FGFR1OP2: variants seen among roughly 807,000 people sequenced by gnomAD.
FGFR1OP2 encodes the protein fibroblast growth factor receptor 1 oncogene partner 2.
FGFR1OP2 carries 17 observed loss-of-function variants against 35.2 expected under a neutral mutation model. The observed-to-expected ratio is 0.48, with a 90% CI of 0.33 to 0.73. FGFR1OP2 has a LOEUF of 0.73. Among genes scored for constraint, FGFR1OP2 ranks in the 30% least tolerant of loss-of-function variants. The probability of loss-of-function intolerance (pLI) is 0.02; values close to 1 mark genes in which losing one functional copy is unlikely to be tolerated. For synonymous variants in FGFR1OP2, 105 were observed against 104.6 expected (o/e 1.00, Z -0.03); for missense variants, 251 against 307.3 (o/e 0.82, Z 1.37).
At chr12:26,963,227 A>G in intron 5 of FGFR1OP2, 115 bp from the exon 6 acceptor site, 1 of 565,570 alleles carries the variant, frequency 1.8e-6, no homozygotes, top group Non-Finnish European at 3.1e-6. Flanking sequence ...TATTCATATT[A>G]AGTGACAATG....
chr12:26,938,968 C>T (rs961931589), intron 1 of FGFR1OP2, among the ~76,000 whole-genome samples: 1 of 152,214 alleles, frequency 6.6e-6, no homozygotes, highest in Non-Finnish European at 1.5e-5. Context: ...GTGGACACAC[C>T]TTCCGTATCT....
At chr12:26,942,072 G>A (rs1016367290) in intron 1 of FGFR1OP2, among the ~76,000 whole-genome samples, 2 of 152,144 alleles carry the variant, frequency 1.3e-5, no homozygotes, top group African/African-American at 2.4e-5. Flanking sequence ...TTGCTCTGTC[G>A]CCCAGGCTGG....
chr12:26,962,319 T>C (rs1414631270), intron 5 of FGFR1OP2: 3 of 152,216 alleles, frequency 2.0e-5, no homozygotes, highest in African/African-American at 7.2e-5. Flanking sequence ...TGTCATTTCT[T>C]CCAGCTTATT....
chr12:26,946,475 TA>T (rs1938823685), intron 1 of FGFR1OP2, among the ~76,000 whole-genome samples: 1 of 152,122 alleles, frequency 6.6e-6, no homozygotes, highest in Non-Finnish European at 1.5e-5. Flanking sequence ...CACGCCCGGT[TA>T]ATTTTTTGTA....
chr12:26,962,529 C>G (rs146549285), intron 5 of FGFR1OP2: 1 of 152,096 alleles, frequency 6.6e-6, no homozygotes, highest in Non-Finnish European at 1.5e-5. Context: ...TCTCGAGTTT[C>G]TGTTGATTTT....
chr12:26,956,150 C>T (rs796815023), intron 2 of FGFR1OP2, among the ~76,000 whole-genome samples: 24 of 152,266 alleles, frequency 1.6e-4, no homozygotes, highest in African/African-American at 5.8e-4. Context: ...CATCATTTTA[C>T]ATTCCATCAA....
Position 26,966,009 on chromosome 12 carries a change from G to C in FGFR1OP2, c.*1276G>C, listed in dbSNP as rs2136363906. Reference sequence around the variant, plus strand: ...AATACGTATTAAAATTAAGACAAATGGAAAATTATACTTTGAGTATATAAT... The same window carrying C: ...AATACGTATTAAAATTAAGACAAATCGAAAATTATACTTTGAGTATATAAT... On this transcript the variant is annotated 3_prime_UTR_variant, in exon 7 of 7. Coordinates refer to ENST00000229395, the MANE Select transcript of FGFR1OP2 (RefSeq NM_015633.3). 1 of 151,980 alleles carries C rather than the reference G, an allele frequency of 6.6e-6. No individual in the cohort carries two copies. Among genetic ancestry groups the C allele is most frequent in the Non-Finnish European group, 1.5e-5 (1 of 67,916 alleles). 9.4% of individuals were successfully genotyped at this position (151,980 alleles called of 1,614,324 possible). A position where few individuals can be genotyped will look rare whatever the true frequency, so the allele number is the denominator to read the frequency against.
At chr12:26,963,748 A>G (rs1216493477) in intron 6 of FGFR1OP2, among the ~76,000 whole-genome samples, 1 of 152,110 alleles carries the variant, frequency 6.6e-6, no homozygotes, top group Non-Finnish European at 1.5e-5. Flanking sequence ...AATTTTGTTT[A>G]TTCTATTAGA....
At chr12:26,963,265 C>A in intron 5 of FGFR1OP2, 77 bp from the exon 6 acceptor site, 2 of 833,734 alleles carry the variant, frequency 2.4e-6, no homozygotes, top group Non-Finnish European at 3.9e-6. Context: ...AGTGGTACTG[C>A]AGATTTTATA....
At chr12:26,940,125 G>T (rs1250336491) in intron 1 of FGFR1OP2, among the ~76,000 whole-genome samples, 1 of 152,190 alleles carries the variant, frequency 6.6e-6, no homozygotes, top group Non-Finnish European at 1.5e-5. Flanking sequence ...TACAGACAGT[G>T]CTTGGAGTAT....
In FGFR1OP2 at chr12:26,965,856, C is replaced by G. The variant is rs1939169505; in HGVS notation, c.*1123C>G. The G allele has an allele frequency of 6.6e-6, 1 of 151,662 alleles. No individual in the cohort carries two copies. The highest frequency in any genetic ancestry group is 2.4e-5 in the African/African-American group (1 of 41,328). 9.4% of individuals were successfully genotyped at this position (151,662 alleles called of 1,614,324 possible). On this transcript the variant is annotated 3_prime_UTR_variant, in exon 7 of 7. Transcript: ENST00000229395. ...TATAATATGTAATTTTTTTAAAAACCACCAGATACAGAAATGTGCTTTAAC... is the reference window on the plus strand; with the variant it reads ...TATAATATGTAATTTTTTTAAAAACGACCAGATACAGAAATGTGCTTTAAC...
At chr12:26,943,712 C>T (rs1189037428) in intron 1 of FGFR1OP2, among the ~76,000 whole-genome samples, 10 of 152,126 alleles carry the variant, frequency 6.6e-5, no homozygotes, top group Non-Finnish European at 1.5e-4. Flanking sequence ...GTAATCTCAG[C>T]TACTCTGGAG....
intron 1 of FGFR1OP2, among the ~76,000 whole-genome samples, chr12:26,948,666 A>G (rs1332588271): frequency 3.3e-5 from 5 of 152,246 alleles, no homozygotes; most frequent in African/African-American, 4.8e-5. Context: ...ACTGGGAATG[A>G]TGAAGACAAG....
At chr12:26,953,213 G>A (rs1464917859) in intron 1 of FGFR1OP2, among the ~76,000 whole-genome samples, 1 of 143,884 alleles carries the variant, frequency 7.0e-6, no homozygotes, top group Non-Finnish European at 1.5e-5. Flanking sequence ...GCAGTGAGCC[G>A]AGATCACGCC....
intron 1 of FGFR1OP2, among the ~76,000 whole-genome samples, chr12:26,947,221 C>A (rs1176635422): frequency 1.3e-5 from 2 of 152,126 alleles, no homozygotes; most frequent in African/African-American, 4.8e-5. Flanking sequence ...AGTGGCTATA[C>A]CATTTCACAT....
intron 6 of FGFR1OP2, among the ~76,000 whole-genome samples, chr12:26,963,933 T>C (rs1370307125): frequency 6.6e-6 from 1 of 152,150 alleles, no homozygotes; most frequent in Non-Finnish European, 1.5e-5. Flanking sequence ...AGAGCTTCAT[T>C]TTGAAATCAC....
chr12:26,939,501 A>G (rs765019653), intron 1 of FGFR1OP2, among the ~76,000 whole-genome samples: 1 of 152,240 alleles, frequency 6.6e-6, no homozygotes. Context: ...TATACTGGCT[A>G]TTTCCCCAAA....
intron 1 of FGFR1OP2, among the ~76,000 whole-genome samples, chr12:26,940,502 A>G (rs901285034): frequency 1.1e-4 from 17 of 152,188 alleles, no homozygotes; most frequent in African/African-American, 3.1e-4. Context: ...TCTTGCATTC[A>G]TAAGATTATA....
At chr12:26,939,889 C>A (rs919033743) in intron 1 of FGFR1OP2, among the ~76,000 whole-genome samples, 1 of 152,132 alleles carries the variant, frequency 6.6e-6, no homozygotes, top group Admixed American at 6.5e-5. Flanking sequence ...CCTTTAAAAT[C>A]ATAGAATTTT....
Sources: gnomAD v4.1 joint callset for allele counts (sites outside exome capture counted in the v4.1 genomes callset) on GRCh38, gnomAD v4.1.1 for gene constraint, MANE v1.5 for transcripts, NCBI Gene and HGNC (gene_info 2026-07-23, HGNC 2026-07-21) for gene names.